Variants in CDH18 observed in about 807,000 individuals in gnomAD.
CDH18 encodes cadherin-18.
Under a neutral mutation model 67.9 loss-of-function variants are expected in CDH18, and 31 were observed. The observed-to-expected ratio is 0.46, with a 90% confidence interval of 0.34 to 0.62. CDH18 has a LOEUF of 0.62. Ranked by LOEUF, CDH18 falls within the 20% of genes least tolerant of loss-of-function variation. The pLI is 0.01. For synonymous variants in CDH18, 362 were observed against 347.2 expected (o/e 1.04, Z -0.48); for missense variants, 890 against 975.5 (o/e 0.91, Z 1.17).
At chr5:19,976,637 T>C (rs1307918121) in intron 2 of CDH18, among the ~76,000 whole-genome samples, 3 of 151,974 alleles carry the variant, frequency 2.0e-5, no homozygotes, top group Non-Finnish European at 4.4e-5. Flanking sequence ...CTGGAGGGGA[T>C]TGGGAGGATT....
intron 4 of CDH18, among the ~76,000 whole-genome samples, chr5:19,736,306 C>G (rs6451416): frequency 0.97 from 146,869 of 152,168 alleles, 71,077 homozygotes; most frequent in Middle Eastern, 1. Context: ...ACTTGAGCCT[C>G]GGAGATCAAG....
chr5:19,958,127 C>G (rs1796435572), intron 2 of CDH18, among the ~76,000 whole-genome samples: 1 of 151,652 alleles, frequency 6.6e-6, no homozygotes, highest in East Asian at 1.9e-4. Flanking sequence ...CATTGTTTTT[C>G]CCCTTCAGCA....
At chr5:19,805,856 T>C (rs75506704) in intron 3 of CDH18, among the ~76,000 whole-genome samples, 136 of 152,366 alleles carry the variant, frequency 8.9e-4, no homozygotes, top group East Asian at 2.7e-3. Context: ...TCCTCTCTGA[T>C]GCCAAGCTTG....
intron 2 of CDH18, among the ~76,000 whole-genome samples, chr5:20,010,236 CTTTTTAATTT>C (rs988688365): frequency 6.6e-6 from 1 of 150,984 alleles, no homozygotes; most frequent in Non-Finnish European, 1.5e-5. Flanking sequence ...ATCACTCCTT[CTTTTTAATTT>C]TTTTTAATTT....
intron 5 of CDH18, among the ~76,000 whole-genome samples, chr5:19,654,392 T>C (rs1043138659): frequency 2.0e-5 from 3 of 152,346 alleles, no homozygotes; most frequent in South Asian, 2.1e-4. Context: ...TATGCATGCA[T>C]ACATGTATAA....
At chr5:19,551,597 G>A (rs399500) in intron 8 of CDH18, among the ~76,000 whole-genome samples, 34 of 152,060 alleles carry the variant, frequency 2.2e-4, no homozygotes, top group Admixed American at 2.2e-3. Context: ...AGGGTTAAAT[G>A]ATAGGCCTTC....
chr5:19,568,071 A>C (rs1262450681), intron 8 of CDH18, among the ~76,000 whole-genome samples: 1 of 152,178 alleles, frequency 6.6e-6, no homozygotes, highest in Non-Finnish European at 1.5e-5. Flanking sequence ...TTTGCCAGTC[A>C]GTTTGTTTTA....
chr5:20,539,757 AACAC>A (rs1554016455), intron 1 of CDH18, among the ~76,000 whole-genome samples: 12 of 51,332 alleles, frequency 2.3e-4, no homozygotes, highest in South Asian at 7.1e-4. Context: ...CACACACACA[AACAC>A]ACACACACAC....
intron 5 of CDH18, among the ~76,000 whole-genome samples, chr5:19,683,507 G>A (rs12517159): frequency 0.56 from 84,569 of 151,646 alleles, 26,655 homozygotes; most frequent in East Asian, 0.74. Flanking sequence ...GTTTGACTCT[G>A]GCTAATGGAC....
chr5:20,524,491 T>G (rs1424781428), intron 1 of CDH18, among the ~76,000 whole-genome samples: 1 of 152,198 alleles, frequency 6.6e-6, no homozygotes, highest in Admixed American at 6.6e-5. Context: ...AGCTACTTCT[T>G]TATTAATATG....
intron 1 of CDH18, among the ~76,000 whole-genome samples, chr5:20,381,169 A>C (rs2150100388): frequency 6.6e-6 from 1 of 152,314 alleles, no homozygotes; most frequent in South Asian, 2.1e-4. Flanking sequence ...AAGGCACAAA[A>C]GAAAAAATAC....
At chr5:19,566,499 C>G (rs1294465455) in intron 8 of CDH18, among the ~76,000 whole-genome samples, 1 of 152,180 alleles carries the variant, frequency 6.6e-6, no homozygotes, top group African/African-American at 2.4e-5. Context: ...GCCTCACAAT[C>G]ATGGTGGAAG....
At chr5:19,618,736 C>T (rs1750234521) in intron 5 of CDH18, among the ~76,000 whole-genome samples, 1 of 152,040 alleles carries the variant, frequency 6.6e-6, no homozygotes, top group Admixed American at 6.6e-5. Flanking sequence ...TGACAAGTTG[C>T]CCCAGAGATT....
chr5:19,659,871 C>G (rs909306988), intron 5 of CDH18, among the ~76,000 whole-genome samples: 5 of 152,014 alleles, frequency 3.3e-5, no homozygotes, highest in African/African-American at 1.2e-4. Flanking sequence ...TACCCAGTCT[C>G]AGGTATTTTG....
intron 4 of CDH18, among the ~76,000 whole-genome samples, chr5:19,746,522 G>A (rs1311858337): frequency 6.6e-6 from 1 of 152,160 alleles, no homozygotes; most frequent in Non-Finnish European, 1.5e-5. Flanking sequence ...GTCATACACT[G>A]AAAGCTTAAA....
intron 1 of CDH18, among the ~76,000 whole-genome samples, chr5:20,349,381 A>T (rs1012738312): frequency 2.6e-5 from 4 of 152,158 alleles, no homozygotes; most frequent in African/African-American, 9.6e-5. Context: ...GAATTCATTG[A>T]ATACTCGGGA....
intron 1 of CDH18, among the ~76,000 whole-genome samples, chr5:20,271,063 A>AT (rs1745401568): frequency 6.6e-6 from 1 of 152,074 alleles, no homozygotes; most frequent in Non-Finnish European, 1.5e-5. Flanking sequence ...TGATGATATA[A>AT]TTTGTGCAGC....
Position 19,665,565 on chromosome 5 carries a change from T to C in CDH18, c.644-52964A>G, listed in dbSNP as rs1005212667. On this transcript the variant is annotated intron_variant, in intron 5 of 12. Transcript: ENST00000382275. ...TTCCTTGCTATCAATTAAGAGATTA[T>C]AAGTTTTCATTAAAAAGAGTAAATT... 2.0e-5 allele frequency among the ~76,000 whole-genome samples: 3 copies of C among 152,088 alleles called. No individual in the cohort carries two copies. The Admixed American group carries it at 2.0e-4, about 10-fold the overall frequency.
intron 5 of CDH18, among the ~76,000 whole-genome samples, chr5:19,667,833 C>T (rs1580779808): frequency 6.6e-6 from 1 of 151,886 alleles, no homozygotes; most frequent in African/African-American, 2.4e-5. Context: ...GAAGTATCAC[C>T]AGGTATCATC....
Sources: gnomAD v4.1 joint callset for allele counts (sites outside exome capture counted in the v4.1 genomes callset) on GRCh38, gnomAD v4.1.1 for gene constraint, MANE v1.5 for transcripts, NCBI Gene and HGNC (gene_info 2026-07-23, HGNC 2026-07-21) for gene names.